Variants in TOP3A observed in about 807,000 individuals in gnomAD.
The protein encoded by TOP3A is DNA topoisomerase III alpha.
TOP3A carries 64 observed loss-of-function variants against 111.3 expected under a neutral mutation model. The ratio of observed to expected loss-of-function variants is 0.57; its 90% CI spans 0.47 to 0.71. The LOEUF (loss-of-function observed/expected upper bound fraction) is 0.71, where lower values mean the gene tolerates loss of function less well. Ranked by LOEUF, TOP3A falls within the 30% of genes least tolerant of loss-of-function variation. The pLI is 0.00. For missense variants in TOP3A, 1,104 were observed against 1,285.0 expected, an observed-to-expected ratio of 0.86 and a Z score of 2.15; for synonymous variants, 484 against 485.1, an observed-to-expected ratio of 1.00 and a Z score of 0.03.
At chr17:18,279,665 A>G (rs529988568) in intron 17 of TOP3A, among the ~76,000 whole-genome samples, 14 of 152,198 alleles carry the variant, frequency 9.2e-5, no homozygotes, top group African/African-American at 2.9e-4. Flanking sequence ...CTGGGATTAC[A>G]GGCCTGAGCC....
chr17:18,280,434 C>A, intron 17 of TOP3A, 102 bp downstream of exon 17: 1 of 1,395,530 alleles, frequency 7.2e-7, no homozygotes, highest in South Asian at 1.4e-5. Flanking sequence ...CCTGCAGGGC[C>A]TGAGTGGAAT....
intron 1 of TOP3A, chr17:18,313,231 C>T (rs902409877): frequency 6.4e-6 from 1 of 155,830 alleles, no homozygotes; most frequent in African/African-American, 2.4e-5. Flanking sequence ...AGGGAATGAC[C>T]CACAAATGTT....
chr17:18,303,406 G>T (rs1981360129), intron 5 of TOP3A, among the ~76,000 whole-genome samples: 1 of 152,204 alleles, frequency 6.6e-6, no homozygotes, highest in Non-Finnish European at 1.5e-5. Flanking sequence ...AGGAGGATTA[G>T]TGAAAGAGTA....
chr17:18,304,655 G>A (rs1981445527), intron 5 of TOP3A, among the ~76,000 whole-genome samples: 1 of 151,972 alleles, frequency 6.6e-6, no homozygotes, highest in South Asian at 2.1e-4. Context: ...TTTACTTGTG[G>A]TATATTCATT....
At chr17:18,284,347 G>A (rs972321369) in intron 15 of TOP3A, among the ~76,000 whole-genome samples, 13 of 151,990 alleles carry the variant, frequency 8.6e-5, no homozygotes, top group Admixed American at 6.6e-4. Context: ...TTATTACTTA[G>A]GCATGATTGA....
Position 18,274,585 on chromosome 17 carries a change from C to T in TOP3A, c.*217G>A. On this transcript the variant is annotated 3_prime_UTR_variant, in exon 19 of 19. Transcript: ENST00000321105. Reference sequence around the variant, plus strand: ...CTTTTCAGCAGTGGCTATGGTCACTCCTGAGGCCTGGGAAGAGGGTCACTG... The same window carrying T: ...CTTTTCAGCAGTGGCTATGGTCACTTCTGAGGCCTGGGAAGAGGGTCACTG... 1.4e-6 allele frequency: 1 copy of T among 700,028 alleles called. No homozygotes were observed. Among genetic ancestry groups the T allele is most frequent in the Non-Finnish European group, 2.2e-6 (1 of 464,076 alleles). 43.4% of individuals were successfully genotyped at this position (700,028 alleles called of 1,614,324 possible). A position where few individuals can be genotyped will look rare whatever the true frequency, so the allele number is the denominator to read the frequency against.
intron 17 of TOP3A, chr17:18,280,134 C>T (rs1156952465): frequency 6.6e-6 from 1 of 152,068 alleles, no homozygotes; most frequent in South Asian, 2.1e-4. Flanking sequence ...CTGGGCAACC[C>T]AGCGAGACTG....
chr17:18,305,486 A>ACACACGCGCG (rs1164323613), intron 4 of TOP3A, among the ~76,000 whole-genome samples: 6 of 149,514 alleles, frequency 4.0e-5, no homozygotes, highest in African/African-American at 1.2e-4. Flanking sequence ...ACACACACAC[A>ACACACGCGCG]CGCGCGCGCG....
chr17:18,280,137 C>G (rs552405096), intron 17 of TOP3A: 1 of 151,412 alleles, frequency 6.6e-6, no homozygotes, highest in Non-Finnish European at 1.5e-5. Flanking sequence ...GGCAACCCAG[C>G]GAGACTGTCT....
Position 18,314,985 on chromosome 17 carries a change from TG to T in TOP3A, c.-208del, listed in dbSNP as rs1982171611. 1 of 186,920 alleles carries T rather than the reference TG, an allele frequency of 5.3e-6. No individual in the cohort carries two copies. The highest frequency in any genetic ancestry group is 2.4e-5 in the African/African-American group (1 of 42,004). 11.6% of individuals were successfully genotyped at this position (186,920 alleles called of 1,614,324 possible). A position where few individuals can be genotyped will look rare whatever the true frequency, so the allele number is the denominator to read the frequency against. On this transcript the variant is annotated 5_prime_UTR_variant, in exon 1 of 19. Coordinates refer to ENST00000321105, the MANE Select transcript of TOP3A (RefSeq NM_004618.5). ...CAGCACCGAATCCAGTATCTTGGCGTGGAACTTCCGCCCGCCTTCTCCAGCT... is the reference window on the plus strand; with the variant it reads ...CAGCACCGAATCCAGTATCTTGGCGTGAACTTCCGCCCGCCTTCTCCAGCT...
intron 13 of TOP3A, among the ~76,000 whole-genome samples, chr17:18,286,060 T>A (rs1980073577): frequency 6.6e-6 from 1 of 151,220 alleles, no homozygotes; most frequent in South Asian, 2.1e-4. Flanking sequence ...ATTAGCAGGG[T>A]GTGGCGGCAC....
intron 1 of TOP3A, among the ~76,000 whole-genome samples, chr17:18,309,612 C>G (rs988562003): frequency 6.6e-6 from 1 of 151,736 alleles, no homozygotes; most frequent in Non-Finnish European, 1.5e-5. Flanking sequence ...CCACTGCACT[C>G]TAGCCTGGGT....
chr17:18,297,612 A>T (rs1158680963), intron 9 of TOP3A, among the ~76,000 whole-genome samples: 1 of 151,908 alleles, frequency 6.6e-6, no homozygotes, highest in African/African-American at 2.4e-5. Flanking sequence ...TTTGGTGGAG[A>T]CGGGGTTTCG....
chr17:18,295,668 A>G (rs561437444), intron 9 of TOP3A, among the ~76,000 whole-genome samples: 1 of 136,900 alleles, frequency 7.3e-6, no homozygotes, highest in Admixed American at 7.3e-5. Context: ...CATGTTGGCC[A>G]GGCTGGTCTC....
chr17:18,305,264 C>A (rs374563641), intron 4 of TOP3A, 44 bp from the exon 5 acceptor site: 20 of 1,492,782 alleles, frequency 1.3e-5, no homozygotes, highest in Middle Eastern at 1.7e-4. Context: ...CAGAATTGCA[C>A]AACAGTGACT....
intron 1 of TOP3A, 38 bp from the exon 2 acceptor site, chr17:18,308,979 T>A: frequency 8.7e-7 from 1 of 1,156,066 alleles, no homozygotes; most frequent in Non-Finnish European, 1.2e-6. Flanking sequence ...TAAATTACGT[T>A]TAAAACAATG....
intron 11 of TOP3A, 62 bp from the exon 12 acceptor site, chr17:18,291,089 T>C: frequency 6.5e-7 from 1 of 1,544,932 alleles, no homozygotes; most frequent in Non-Finnish European, 8.8e-7. Context: ...GACAGGAGCA[T>C]CACTGGTAGC....
intron 9 of TOP3A, among the ~76,000 whole-genome samples, chr17:18,297,491 T>TCCCTCTCTCCACG (rs1360110543): frequency 6.6e-6 from 1 of 152,132 alleles, no homozygotes; most frequent in African/African-American, 2.4e-5. Context: ...GGTCTCCCTC[T>TCCCTCTCTCCACG]GATGCCGAGC....
rs767696015 is a variant in TOP3A at position 18,308,879 on chromosome 17, T to C, written c.240+3A>G. 1 of 1,563,214 alleles carries C rather than the reference T, an allele frequency of 6.4e-7. No individual in the cohort carries two copies. Among genetic ancestry groups the C allele is most frequent in the Admixed American group, 1.8e-5 (1 of 55,340 alleles). On this transcript the variant is annotated splice_donor_region_variant and intron_variant, in intron 2 of 18. Coordinates refer to ENST00000321105, the MANE Select transcript of TOP3A (RefSeq NM_004618.5). ...AATATTTTAGAAATATTTTAGCACC[T>C]ACCTGGCCATACAGATGATAATCAA...
Sources: allele counts gnomAD v4.1 joint callset (sites outside exome capture counted in the v4.1 genomes callset), GRCh38; gene constraint gnomAD v4.1.1; transcripts MANE v1.5; gene names NCBI Gene and HGNC (gene_info 2026-07-23, HGNC 2026-07-21).